The following ERC2 variants were observed in gnomAD, a reference collection of about 807,000 sequenced individuals.
ERC2 encodes the protein ERC protein 2.
A neutral mutation model predicts 114.8 loss-of-function variants in ERC2; 42 were observed. That is an observed-to-expected ratio of 0.37 (90% CI 0.29 to 0.47). The LOEUF (loss-of-function observed/expected upper bound fraction) is 0.47, where lower values mean the gene tolerates loss of function less well. Among genes scored for constraint, ERC2 ranks in the 20% least tolerant of loss-of-function variants. The probability of loss-of-function intolerance (pLI) is 0.99; values close to 1 mark genes in which losing one functional copy is unlikely to be tolerated. For missense variants in ERC2, 939 were observed against 1,150.7 expected, an observed-to-expected ratio of 0.82 and a Z score of 2.66; for synonymous variants, 454 against 425.5, an observed-to-expected ratio of 1.07 and a Z score of -0.82.
intron 2 of ERC2, among the ~76,000 whole-genome samples, chr3:56,388,390 C>A (rs532014325): frequency 3.7e-4 from 57 of 152,294 alleles, no homozygotes; most frequent in African/African-American, 1.3e-3. Flanking sequence ...ATGTGACATG[C>A]TGGCTCCCCT....
intron 3 of ERC2, among the ~76,000 whole-genome samples, chr3:56,274,745 T>C (rs1348765021): frequency 6.6e-6 from 1 of 152,148 alleles, no homozygotes; most frequent in African/African-American, 2.4e-5. Flanking sequence ...CCCACAGCCA[T>C]GAGAACAGCT....
intron 3 of ERC2, among the ~76,000 whole-genome samples, chr3:56,250,735 A>G (rs1194078539): frequency 6.6e-6 from 1 of 152,228 alleles, no homozygotes; most frequent in East Asian, 1.9e-4. Context: ...TCAGTTGAAC[A>G]AACCTGAAGC....
At chr3:56,127,363 A>C (rs1281389483) in intron 6 of ERC2, among the ~76,000 whole-genome samples, 1 of 152,224 alleles carries the variant, frequency 6.6e-6, no homozygotes, top group Non-Finnish European at 1.5e-5. Context: ...GAAAAGCCAA[A>C]GCAATCAAGC....
At chr3:56,120,583 GA>G (rs2079517484) in intron 6 of ERC2, among the ~76,000 whole-genome samples, 1 of 152,160 alleles carries the variant, frequency 6.6e-6, no homozygotes, top group South Asian at 2.1e-4. Context: ...ATAAACAGGG[GA>G]AGTAAGAAAA....
At chr3:56,438,382 G>A (rs1020027313) in intron 1 of ERC2, among the ~76,000 whole-genome samples, 6 of 150,158 alleles carry the variant, frequency 4.0e-5, no homozygotes, top group African/African-American at 4.9e-5. Context: ...AAACCCTTAC[G>A]TTAGTTGGTC....
At chr3:56,433,306 A>AAAAAG (rs1171435692) in intron 2 of ERC2, among the ~76,000 whole-genome samples, 2 of 152,240 alleles carry the variant, frequency 1.3e-5, no homozygotes, top group African/African-American at 4.8e-5. Context: ...GTAGGCATTA[A>AAAAAG]AAAAGAAAAG....
intron 13 of ERC2, among the ~76,000 whole-genome samples, chr3:55,891,848 C>T (rs1398763947): frequency 6.6e-6 from 1 of 152,222 alleles, no homozygotes; most frequent in Non-Finnish European, 1.5e-5. Context: ...TCTACTCTTG[C>T]AGACCACAAG....
chr3:55,616,099 T>C (rs1335498882), intron 17 of ERC2, among the ~76,000 whole-genome samples: 1 of 152,216 alleles, frequency 6.6e-6, no homozygotes, highest in Non-Finnish European at 1.5e-5. Context: ...TAGGATGTCC[T>C]TAATCAGAAC....
intron 14 of ERC2, among the ~76,000 whole-genome samples, chr3:55,877,888 AG>A (rs1365871610): frequency 6.6e-6 from 1 of 152,074 alleles, no homozygotes; most frequent in East Asian, 1.9e-4. Flanking sequence ...CCTTGCATCA[AG>A]GGGTTAAATC....
rs143808746 is a variant in ERC2 at position 56,142,879 on chromosome 3, T to C, written c.1306-3203A>G. Among the ~76,000 whole-genome samples the C allele has an allele frequency of 3.2e-3, 490 of 152,098 alleles. 6 individuals carry two copies. The highest frequency in any genetic ancestry group is 0.011 in the African/African-American group (474 of 41,512). On this transcript the variant is annotated intron_variant, in intron 5 of 17. Transcript: ENST00000288221. Reference sequence around the variant, plus strand: ...TTTATCTGAAAAAATACTTTAAGGCTTATGTGGTCCTTTAGAGAATTTGCC... The same window carrying C: ...TTTATCTGAAAAAATACTTTAAGGCCTATGTGGTCCTTTAGAGAATTTGCC...
intron 7 of ERC2, among the ~76,000 whole-genome samples, chr3:56,032,757 A>T (rs887003124): frequency 4.0e-5 from 6 of 151,464 alleles, no homozygotes; most frequent in Non-Finnish European, 8.8e-5. Context: ...CCAGCTAGCT[A>T]CTTGTGAAGT....
chr3:55,652,215 T>G (rs1013023952), intron 17 of ERC2, among the ~76,000 whole-genome samples: 1 of 152,230 alleles, frequency 6.6e-6, no homozygotes, highest in African/African-American at 2.4e-5. Flanking sequence ...TGCACTGTGT[T>G]TATTTATCAT....
rs528510835 is a variant in ERC2 at position 55,756,650 on chromosome 3, G to A, written c.2565-21732C>T. On this transcript the variant is annotated intron_variant, in intron 14 of 17. Transcript: ENST00000288221. Reference sequence around the variant, plus strand: ...TTCTGATGAATTATTTCCAAACACTGGCCCAAGCCATGAAAAATCAAATCA... The same window carrying A: ...TTCTGATGAATTATTTCCAAACACTAGCCCAAGCCATGAAAAATCAAATCA... Among the ~76,000 whole-genome samples, 34 of 152,252 alleles carry A rather than the reference G, an allele frequency of 2.2e-4. No individual in the cohort carries two copies. The South Asian group carries it at 5.6e-3, about 25-fold the overall frequency.
intron 7 of ERC2, among the ~76,000 whole-genome samples, chr3:56,050,383 C>A (rs1576713615): frequency 6.6e-6 from 1 of 152,280 alleles, no homozygotes; most frequent in Admixed American, 6.5e-5. Flanking sequence ...AGAGTAGAAA[C>A]AAGCTGGTGG....
At chr3:56,170,673 T>C (rs1478837536) in intron 4 of ERC2, among the ~76,000 whole-genome samples, 2 of 146,120 alleles carry the variant, frequency 1.4e-5, no homozygotes, top group African/African-American at 2.6e-5. Flanking sequence ...CTTGGCTCAC[T>C]GCAACCTCCA....
intron 6 of ERC2, among the ~76,000 whole-genome samples, chr3:56,081,312 C>A (rs2077219048): frequency 6.6e-6 from 1 of 152,168 alleles, no homozygotes; most frequent in Admixed American, 6.5e-5. Flanking sequence ...TCAATACTCC[C>A]ATGTCTCTCT....
At chr3:56,339,454 T>A (rs1016850557) in intron 2 of ERC2, among the ~76,000 whole-genome samples, 1 of 151,998 alleles carries the variant, frequency 6.6e-6, no homozygotes, top group Non-Finnish European at 1.5e-5. Context: ...ACTGCTGAAG[T>A]GCGGTGTGGC....
chr3:55,699,917 G>A lies in ERC2; in HGVS notation c.2713-405C>T, dbSNP rs547360184. Among the ~76,000 whole-genome samples the A allele has an allele frequency of 3.9e-5, 6 of 152,270 alleles. No individual in the cohort carries two copies. The South Asian group carries it at 1.2e-3, about 32-fold the overall frequency. ...ATGGAAGTCCTGTATGGAAAGATGG[G>A]AAGGGCTGGGTAGAAACACAGAACT... On this transcript the variant is annotated intron_variant, in intron 15 of 17. Coordinates refer to ENST00000288221, the MANE Select transcript of ERC2 (RefSeq NM_015576.3).
intron 2 of ERC2, among the ~76,000 whole-genome samples, chr3:56,303,599 G>A (rs1018268785): frequency 3.3e-5 from 5 of 152,180 alleles, no homozygotes; most frequent in African/African-American, 1.2e-4. Context: ...GAGCTTACAA[G>A]GAAGTAAGGG....
Sources: gnomAD v4.1 joint callset for allele counts (sites outside exome capture counted in the v4.1 genomes callset) on GRCh38, gnomAD v4.1.1 for gene constraint, MANE v1.5 for transcripts, NCBI Gene and HGNC (gene_info 2026-07-23, HGNC 2026-07-21) for gene names.